Variants in MALRD1 observed in about 807,000 individuals in gnomAD.
The protein encoded by MALRD1 is MAM and LDL-receptor class A domain-containing protein 1.
In MALRD1, 247 loss-of-function variants were observed where a neutral mutation model predicts 242.1. That is an observed-to-expected ratio of 1.02 (90% CI 0.92 to 1.13). The LOEUF is 1.13. MALRD1 is among the 50% of genes most tolerant of loss of function. The pLI, the probability that MALRD1 is intolerant of heterozygous loss-of-function variation, is 0.00. For missense variants in MALRD1, 2,989 were observed against 2,533.1 expected, an observed-to-expected ratio of 1.18 and a Z score of -3.86; for synonymous variants, 995 against 866.6, an observed-to-expected ratio of 1.15 and a Z score of -2.60.
intron 13 of MALRD1, among the ~76,000 whole-genome samples, chr10:19,170,014 T>G (rs926408745): frequency 2.0e-5 from 3 of 152,218 alleles, no homozygotes; most frequent in Non-Finnish European, 4.4e-5. Context: ...TGATGTCAAT[T>G]GTAGACAATA....
chr10:19,321,388 A>G (rs1842910496), intron 21 of MALRD1, among the ~76,000 whole-genome samples: 1 of 152,148 alleles, frequency 6.6e-6, no homozygotes, highest in African/African-American at 2.4e-5. Flanking sequence ...GATGATGGGA[A>G]TCATCTCTTC....
intron 29 of MALRD1, among the ~76,000 whole-genome samples, chr10:19,468,518 ATGAGT>A (rs1301931741): frequency 6.6e-6 from 1 of 152,028 alleles, no homozygotes; most frequent in African/African-American, 2.4e-5. Flanking sequence ...ATACATTTTC[ATGAGT>A]TGAGTCACTG....
chr10:19,179,673 A>T (rs1278133178), intron 14 of MALRD1, among the ~76,000 whole-genome samples: 1 of 152,192 alleles, frequency 6.6e-6, no homozygotes, highest in African/African-American at 2.4e-5. Context: ...CAATATATGT[A>T]TTATAAACAT....
Position 19,146,217 on chromosome 10 carries a change from C to CT in MALRD1, c.1434dup (p.Glu479Ter). On this transcript the variant is annotated frameshift_variant, in exon 11 of 40. Coordinates refer to ENST00000454679, the MANE Select transcript of MALRD1 (RefSeq NM_001142308.3). LOFTEE classifies it high-confidence loss of function. ...TAACAGCAAAGCATCTCACCTGTGACTTTGAGTCGGGTTTCTGCGGTTGGG... is the reference window on the plus strand; with the variant it reads ...TAACAGCAAAGCATCTCACCTGTGACTTTTGAGTCGGGTTTCTGCGGTTGGG... 8.1e-7 allele frequency: 1 copy of CT among 1,231,660 alleles called. No homozygotes were observed. Among genetic ancestry groups the CT allele is most frequent in the Non-Finnish European group, 1.0e-6 (1 of 987,948 alleles). 76.3% of individuals were successfully genotyped at this position (1,231,660 alleles called of 1,614,324 possible). A position where few individuals can be genotyped will look rare whatever the true frequency, so the allele number is the denominator to read the frequency against.
At chr10:19,228,344 A>T (rs1364185343) in intron 18 of MALRD1, among the ~76,000 whole-genome samples, 2 of 152,216 alleles carry the variant, frequency 1.3e-5, no homozygotes, top group Non-Finnish European at 2.9e-5. Context: ...GAAAATGCAA[A>T]CTGTAGAAAC....
At chr10:19,620,019 A>AATAATAATAGTAAT (rs564333226) in intron 36 of MALRD1, among the ~76,000 whole-genome samples, 2 of 58,470 alleles carry the variant, frequency 3.4e-5, no homozygotes, top group African/African-American at 7.2e-5. Flanking sequence ...TAATAATAAT[A>AATAATAATAGTAAT]AATAATAATA....
At chr10:19,203,956 G>C (rs1419804160) in intron 15 of MALRD1, 76 bp downstream of exon 15, 3 of 1,494,972 alleles carry the variant, frequency 2.0e-6, no homozygotes, top group African/African-American at 1.4e-5. Context: ...AGGAAAGCTA[G>C]TACGGTTCTG....
intron 5 of MALRD1, among the ~76,000 whole-genome samples, chr10:19,110,523 T>A (rs1046215057): frequency 5.3e-5 from 8 of 152,170 alleles, no homozygotes; most frequent in Admixed American, 1.3e-4. Context: ...TCGTCCTCAA[T>A]GCTGTTTCAC....
chr10:19,069,130 T>A (rs1206299535), intron 2 of MALRD1, among the ~76,000 whole-genome samples: 1 of 152,074 alleles, frequency 6.6e-6, no homozygotes, highest in African/African-American at 2.4e-5. Context: ...TTTAAATGTA[T>A]AATTCACTTT....
At chr10:19,226,854 A>G (rs1324951893) in intron 18 of MALRD1, among the ~76,000 whole-genome samples, 1 of 152,060 alleles carries the variant, frequency 6.6e-6, no homozygotes, top group Admixed American at 6.6e-5. Context: ...AATAAAATCA[A>G]TTGTGTTTCT....
At chr10:19,558,604 A>G (rs541450900) in intron 32 of MALRD1, among the ~76,000 whole-genome samples, 1 of 152,270 alleles carries the variant, frequency 6.6e-6, no homozygotes, top group South Asian at 2.1e-4. Context: ...ATGGTATATT[A>G]TTCTTTTCTT....
intron 33 of MALRD1, among the ~76,000 whole-genome samples, chr10:19,570,559 G>A (rs557163168): frequency 2.0e-5 from 3 of 151,930 alleles, no homozygotes; most frequent in Non-Finnish European, 2.9e-5. Flanking sequence ...TTTGAGAGGT[G>A]CCTAATACAT....
chr10:19,599,780 A>G (rs550031025), intron 34 of MALRD1, among the ~76,000 whole-genome samples: 1 of 152,194 alleles, frequency 6.6e-6, no homozygotes, highest in Non-Finnish European at 1.5e-5. Flanking sequence ...CTAGAGTGAG[A>G]AGGGAGTACT....
At chr10:19,084,349 T>C (rs1835595906) in intron 2 of MALRD1, among the ~76,000 whole-genome samples, 1 of 151,986 alleles carries the variant, frequency 6.6e-6, no homozygotes, top group South Asian at 2.1e-4. Context: ...CATATTTCTA[T>C]AAGTTTTGAC....
intron 36 of MALRD1, among the ~76,000 whole-genome samples, chr10:19,681,738 A>T (rs940113972): frequency 6.6e-6 from 1 of 151,502 alleles, no homozygotes; most frequent in African/African-American, 2.4e-5. Flanking sequence ...GAAAAGAGGC[A>T]CTCTGGGTTT....
chr10:19,568,785 AC>A (rs1836370966), intron 33 of MALRD1, among the ~76,000 whole-genome samples: 1 of 152,112 alleles, frequency 6.6e-6, no homozygotes, highest in Non-Finnish European at 1.5e-5. Context: ...TAATGATAAC[AC>A]CTTATCCAAA....
At chr10:19,133,048 C>T (rs1202520958) in intron 8 of MALRD1, among the ~76,000 whole-genome samples, 1 of 152,136 alleles carries the variant, frequency 6.6e-6, no homozygotes, top group South Asian at 2.1e-4. Context: ...AAGTTATTCT[C>T]CTGCCTCAGC....
At chr10:19,540,555 A>G (rs1834919920) in intron 32 of MALRD1, among the ~76,000 whole-genome samples, 1 of 152,228 alleles carries the variant, frequency 6.6e-6, no homozygotes, top group African/African-American at 2.4e-5. Flanking sequence ...GTACTAGGTT[A>G]TCATTTATTG....
intron 18 of MALRD1, among the ~76,000 whole-genome samples, chr10:19,232,167 T>C (rs1298375039): frequency 6.6e-6 from 1 of 151,996 alleles, no homozygotes; most frequent in African/African-American, 2.4e-5. Context: ...AGCAGGTTGT[T>C]AAGATTTTCA....
Sources: allele counts gnomAD v4.1 joint callset (sites outside exome capture counted in the v4.1 genomes callset), GRCh38; gene constraint gnomAD v4.1.1; transcripts MANE v1.5; gene names NCBI Gene and HGNC (gene_info 2026-07-23, HGNC 2026-07-21).